CCDC148: variants seen among roughly 807,000 people sequenced by gnomAD.
CCDC148 encodes the protein coiled-coil domain-containing protein 148.
Under a neutral mutation model 85.7 loss-of-function variants are expected in CCDC148, and 89 were observed. The ratio of observed to expected loss-of-function variants is 1.04; its 90% CI spans 0.87 to 1.24. The LOEUF (loss-of-function observed/expected upper bound fraction) is 1.24, where lower values mean the gene tolerates loss of function less well. CCDC148 is among the 50% of genes most tolerant of loss of function. The pLI is 0.00. For missense variants in CCDC148, 692 were observed against 671.7 expected (o/e 1.03, Z -0.33); for synonymous variants, 230 against 213.9 (o/e 1.08, Z -0.66).
At chr2:158,241,136 T>C (rs1377197985) in intron 10 of CCDC148, among the ~76,000 whole-genome samples, 1 of 152,200 alleles carries the variant, frequency 6.6e-6, no homozygotes. Flanking sequence ...GCTTTGTTGA[T>C]ACTCCCTGAG....
chr2:158,377,229 G>A (rs1684688771), intron 1 of CCDC148, among the ~76,000 whole-genome samples: 1 of 151,824 alleles, frequency 6.6e-6, no homozygotes, highest in Non-Finnish European at 1.5e-5. Flanking sequence ...AGAGAAAGAG[G>A]GAAGGGATAG....
intron 1 of CCDC148, among the ~76,000 whole-genome samples, chr2:158,437,676 G>A (rs1414673144): frequency 6.6e-6 from 1 of 152,162 alleles, no homozygotes; most frequent in East Asian, 1.9e-4. Context: ...TAGGAAAAGA[G>A]GAAGTCAAAT....
At chr2:158,359,901 G>A (rs969814310) in intron 1 of CCDC148, among the ~76,000 whole-genome samples, 5 of 152,180 alleles carry the variant, frequency 3.3e-5, no homozygotes, top group Non-Finnish European at 5.9e-5. Flanking sequence ...CCCATATGGA[G>A]CCCAGCAAGC....
At position 158,291,055 on chromosome 2, in the gene CCDC148, C is replaced by T. The variant is rs571792696; in HGVS notation, c.1110+18378G>A. Among the ~76,000 whole-genome samples, 5 of 152,012 alleles carry T rather than the reference C, an allele frequency of 3.3e-5. No individual in the cohort carries two copies. In the East Asian group the frequency reaches 9.7e-4, roughly 29 times the overall value. ...AGAAACCTGACTCCCCACCTCTAGC[C>T]CTCTCTCCATAAAATCCATCGCTGC... On this transcript the variant is annotated intron_variant, in intron 9 of 13. Coordinates refer to ENST00000283233, the MANE Select transcript of CCDC148 (RefSeq NM_138803.4).
intron 11 of CCDC148, among the ~76,000 whole-genome samples, chr2:158,181,293 A>G (rs2105263885): frequency 6.6e-6 from 1 of 152,266 alleles, no homozygotes; most frequent in Non-Finnish European, 1.5e-5. Context: ...AGAGAAAGGC[A>G]TTTGTACTTG....
Position 158,351,375 on chromosome 2 carries a change from G to GGCGCAACGT in CCDC148, c.148-6066_148-6058dup, listed in dbSNP as rs1683270703. Among the ~76,000 whole-genome samples, 4 of 152,168 alleles carry GGCGCAACGT rather than the reference G, an allele frequency of 2.6e-5. No individual in the cohort carries two copies. The South Asian group carries it at 8.3e-4, about 32-fold the overall frequency. On this transcript the variant is annotated intron_variant, in intron 2 of 13. Coordinates refer to ENST00000283233, the MANE Select transcript of CCDC148 (RefSeq NM_138803.4). ...GACAGTGGGCGCAGGTCAGTGGGTG[G>GGCGCAACGT]GCGCAACGTGCGCGAGCCGAAGCAG...
chr2:158,277,949 A>T (rs1485052439), intron 9 of CCDC148, among the ~76,000 whole-genome samples: 1 of 152,174 alleles, frequency 6.6e-6, no homozygotes, highest in African/African-American at 2.4e-5. Flanking sequence ...CAAACTCACA[A>T]ATGATCTAGA....
At chr2:158,397,122 T>C (rs10221765) in intron 1 of CCDC148, among the ~76,000 whole-genome samples, 7,836 of 152,038 alleles carry the variant, frequency 0.052, 373 homozygotes, top group African/African-American at 0.12. Context: ...TAAGCTCAGG[T>C]GAAGAAGGCA....
intron 11 of CCDC148, among the ~76,000 whole-genome samples, chr2:158,182,420 T>C (rs1489953047): frequency 6.6e-6 from 1 of 152,068 alleles, no homozygotes. Flanking sequence ...GAAAGATCAA[T>C]TCTAGTGCAA....
intron 1 of CCDC148, among the ~76,000 whole-genome samples, chr2:158,395,682 G>A (rs1391778777): frequency 6.6e-6 from 1 of 152,104 alleles, no homozygotes; most frequent in Non-Finnish European, 1.5e-5. Context: ...ATATGTCACT[G>A]TAAAGGCAGC....
chr2:158,356,938 G>A (rs913776877), intron 2 of CCDC148, among the ~76,000 whole-genome samples: 7 of 146,794 alleles, frequency 4.8e-5, no homozygotes, highest in Admixed American at 4.1e-4. Flanking sequence ...GTAGGGACAT[G>A]GATGAAATTG....
Position 158,418,577 on chromosome 2 carries a change from A to G in CCDC148, c.25+37838T>C, listed in dbSNP as rs546907903. On this transcript the variant is annotated intron_variant, in intron 1 of 13. Transcript: ENST00000283233. ...GTTCCCAAATGGCTAGTTCCTTCTC[A>G]TAGTTCAGGTCTTGTTTCAAAAGTC... Among the ~76,000 whole-genome samples, 30 of 152,216 alleles carry G rather than the reference A, an allele frequency of 2.0e-4. No homozygotes were observed. In the East Asian group the frequency reaches 5.4e-3, roughly 27 times the overall value.
At chr2:158,388,330 G>A (rs1372938352) in intron 1 of CCDC148, among the ~76,000 whole-genome samples, 2 of 152,122 alleles carry the variant, frequency 1.3e-5, no homozygotes, top group Admixed American at 6.6e-5. Flanking sequence ...CCAATGACAA[G>A]GGCAGGGAAC....
At chr2:158,277,203 T>A (rs1689990502) in intron 9 of CCDC148, among the ~76,000 whole-genome samples, 2 of 152,166 alleles carry the variant, frequency 1.3e-5, no homozygotes, top group South Asian at 2.1e-4. Flanking sequence ...TAAATGCACA[T>A]CACAACTCGA....
intron 2 of CCDC148, among the ~76,000 whole-genome samples, chr2:158,354,367 T>G (rs1031394440): frequency 2.0e-5 from 3 of 151,964 alleles, no homozygotes; most frequent in African/African-American, 7.3e-5. Context: ...AAGAATCTAA[T>G]AGACACAATA....
chr2:158,347,177 G>A lies in CCDC148; in HGVS notation c.148-1859C>T, dbSNP rs1683035283. Reference sequence around the variant, plus strand: ...ACAGTCTCTAAAGTTTGTTGCAACAGATACAACTTTTAAAATTAGATTTCT... The same window carrying A: ...ACAGTCTCTAAAGTTTGTTGCAACAAATACAACTTTTAAAATTAGATTTCT... On this transcript the variant is annotated intron_variant, in intron 2 of 13. Coordinates refer to ENST00000283233, the MANE Select transcript of CCDC148 (RefSeq NM_138803.4). Among the ~76,000 whole-genome samples, 3 of 152,144 alleles carry A rather than the reference G, an allele frequency of 2.0e-5. No homozygotes were observed. In the South Asian group the frequency reaches 6.2e-4, roughly 32 times the overall value.
intron 1 of CCDC148, among the ~76,000 whole-genome samples, chr2:158,373,894 G>C (rs1434523311): frequency 6.6e-6 from 1 of 151,950 alleles, no homozygotes; most frequent in African/African-American, 2.4e-5. Context: ...TGAAAACAAG[G>C]CCTTTAGCTG....
chr2:158,312,578 C>CAA (rs61545122), intron 8 of CCDC148, among the ~76,000 whole-genome samples: 1,270 of 76,014 alleles, frequency 0.017, 12 homozygotes, highest in Admixed American at 0.026. Flanking sequence ...GAATCCATCT[C>CAA]AAAAAAAAAA....
intron 3 of CCDC148, 110 bp downstream of exon 3, chr2:158,345,105 A>G: frequency 1.4e-6 from 1 of 699,786 alleles, no homozygotes; most frequent in South Asian, 3.0e-5. Flanking sequence ...TCGTAACTTT[A>G]AATTTTTATT....
Sources: gnomAD v4.1 joint callset for allele counts (sites outside exome capture counted in the v4.1 genomes callset) on GRCh38, gnomAD v4.1.1 for gene constraint, MANE v1.5 for transcripts, NCBI Gene and HGNC (gene_info 2026-07-23, HGNC 2026-07-21) for gene names.